RPS18: variants seen among roughly 807,000 people sequenced by gnomAD.
RPS18 encodes the protein ribosomal protein S18.
For synonymous variants in RPS18, 64 were observed against 70.9 expected (o/e 0.90, Z 0.49); for missense variants, 49 against 200.8 (o/e 0.24, Z 4.57).
At chr6:33,274,867 TC>T (rs1206279195) in intron 2 of RPS18, among the ~76,000 whole-genome samples, 3 of 152,200 alleles carry the variant, frequency 2.0e-5, no homozygotes, top group African/African-American at 7.2e-5. Context: ...AGTATTCAGT[TC>T]CTCCTTCACT....
At position 33,276,485 on chromosome 6, in the gene RPS18, T is replaced by G; in HGVS notation, c.*19T>G. The G allele has an allele frequency of 6.4e-7, 1 of 1,564,864 alleles. No individual in the cohort carries two copies. The highest frequency in any genetic ancestry group is 8.8e-7 in the Non-Finnish European group (1 of 1,141,504). ...GAAATAAGTCTGTAGGCCTTGTCTG[T>G]TAATAAATAGTTTATATACCTATGG... On this transcript the variant is annotated 3_prime_UTR_variant, in exon 6 of 6. Transcript: ENST00000439602.
chr6:33,275,862 G>C lies in RPS18; in HGVS notation c.168G>C (p.Ala56=), dbSNP rs540397842. ...RKADIDLTKR[A]GELTEDEVER... ...CAGACATTGACCTCACCAAGAGGGC[G>C]GGAGAACTCACTGAGGATGAGGTGA... Residue 56 remains alanine, a synonymous_variant, in exon 3 of 6, where the codon GCG becomes GCC. Transcript: ENST00000439602. 6 of 1,613,056 alleles carry C rather than the reference G, an allele frequency of 3.7e-6. No homozygotes were observed. Among genetic ancestry groups the C allele is most frequent in the Non-Finnish European group, 8.5e-7 (1 of 1,179,292 alleles).
intron 2 of RPS18, chr6:33,275,500 T>C: frequency 2.7e-6 from 1 of 367,902 alleles, no homozygotes; most frequent in Non-Finnish European, 5.0e-6. Context: ...GTATTTTTAG[T>C]AGAGACAGGG....
intron 2 of RPS18, among the ~76,000 whole-genome samples, chr6:33,274,022 A>G (rs1765470741): frequency 6.6e-6 from 1 of 152,154 alleles, no homozygotes; most frequent in African/African-American, 2.4e-5. Flanking sequence ...CAATGGTGCA[A>G]TCTTATCTCA....
In RPS18 at chr6:33,272,248, G is replaced by A. The variant is rs911780851; in HGVS notation, c.3+126G>A. On this transcript the variant is annotated intron_variant, in intron 1 of 5. Coordinates refer to ENST00000439602, the MANE Select transcript of RPS18 (RefSeq NM_022551.3). The stretch of plus-strand genomic sequence containing the variant: ...CTTTCTGTATGGAGCCTTGGATCGC[G>A]TCCCTGGAAAGGGACACCAAAGATT... 64 of 1,113,002 alleles carry A rather than the reference G, an allele frequency of 5.8e-5. No homozygotes were observed. The South Asian group carries it at 8.6e-4, about 15-fold the overall frequency. The allele number at this position is 1,113,002 out of a possible 1,614,324, so 68.9% of individuals were successfully genotyped here.
intron 2 of RPS18, among the ~76,000 whole-genome samples, chr6:33,275,137 C>G (rs1356049109): frequency 6.6e-6 from 1 of 152,096 alleles, no homozygotes; most frequent in Non-Finnish European, 1.5e-5. Context: ...TCATAAGACC[C>G]TGGTTTACTG....
intron 2 of RPS18, among the ~76,000 whole-genome samples, chr6:33,274,057 C>T (rs13201994): frequency 6.6e-6 from 1 of 152,178 alleles, no homozygotes; most frequent in African/African-American, 2.4e-5. Flanking sequence ...TCCCAAGTAG[C>T]TGAGATTACA....
intron 2 of RPS18, 157 bp from the exon 3 acceptor site, chr6:33,275,640 C>T (rs962113358): frequency 1.9e-5 from 13 of 682,900 alleles, no homozygotes; most frequent in African/African-American, 1.1e-4. Flanking sequence ...TTCTGTCGAA[C>T]GGTTTATATC....
chr6:33,272,259 G>C (rs1324380968), intron 1 of RPS18, 137 bp downstream of exon 1: 2 of 990,440 alleles, frequency 2.0e-6, no homozygotes, highest in African/African-American at 3.2e-5. Context: ...TCCCTGGAAA[G>C]GGACACCAAA....
Position 33,276,086 on chromosome 6 carries a change from C to A in RPS18, c.291+20C>A. 6.2e-7 allele frequency: 1 copy of A among 1,608,514 alleles called. No homozygotes were observed. Among genetic ancestry groups the A allele is most frequent in the Non-Finnish European group, 8.5e-7 (1 of 1,175,066 alleles). ...AGCCAGGTGTGTACTGAAATGAGGG[C>A]AGGATTAGAGGAAGGGTGGAGGGTC... On this transcript the variant is annotated intron_variant, in intron 4 of 5. Transcript: ENST00000439602.
At chr6:33,272,811 G>C in intron 2 of RPS18, 85 bp downstream of exon 2, 1 of 781,668 alleles carries the variant, frequency 1.3e-6, no homozygotes, top group Non-Finnish European at 2.4e-6. Flanking sequence ...AGGCTGGGGA[G>C]ACTTGAGTCT....
chr6:33,272,230 TATGGAGCCTTGGATCGCGTCC>T, intron 1 of RPS18, 108 bp downstream of exon 1: 2 of 1,257,694 alleles, frequency 1.6e-6, no homozygotes. Context: ...CGACTTTCTG[TATGGAGCCTTGGATCGCGTCC>T]CTGGAAAGGG....
At position 33,275,787 on chromosome 6, in the gene RPS18, C is replaced by A; in HGVS notation, c.103-10C>A. Reference sequence around the variant, plus strand: ...TCAACACTAATTCCGAAACCCCTCACTTCATTCAGGGTGTGGGCCGAAGAT... The same window carrying A: ...TCAACACTAATTCCGAAACCCCTCAATTCATTCAGGGTGTGGGCCGAAGAT... On this transcript the variant is annotated splice_polypyrimidine_tract_variant and intron_variant, in intron 2 of 5. Coordinates refer to ENST00000439602, the MANE Select transcript of RPS18 (RefSeq NM_022551.3). 6.3e-7 allele frequency: 1 copy of A among 1,583,780 alleles called. No homozygotes were observed. Among genetic ancestry groups the A allele is most frequent in the Non-Finnish European group, 8.7e-7 (1 of 1,153,800 alleles).
At chr6:33,272,207 C>A in intron 1 of RPS18, 85 bp downstream of exon 1, 1 of 1,439,708 alleles carries the variant, frequency 6.9e-7, no homozygotes, top group African/African-American at 1.4e-5. Flanking sequence ...AAACGTCCTG[C>A]CCTGAGGGCC....
rs538097916 is a variant in RPS18 at position 33,272,077 on chromosome 6, C to T, written c.-43C>T. ...AATGATATCGCGTCACTTCCGCTCT[C>T]TCTTCCACAGGAGGCCTACACGCCG... On this transcript the variant is annotated 5_prime_UTR_variant, in exon 1 of 6. Transcript: ENST00000439602. 1.4e-5 allele frequency: 22 copies of T among 1,560,486 alleles called. No homozygotes were observed. Among genetic ancestry groups the T allele is most frequent in the African/African-American group, 4.1e-5 (3 of 73,660 alleles).
At chr6:33,275,752 A>G in intron 2 of RPS18, 45 bp from the exon 3 acceptor site, 1 of 1,264,904 alleles carries the variant, frequency 7.9e-7, no homozygotes, top group Non-Finnish European at 1.2e-6. Flanking sequence ...AAGGAATTTA[A>G]AAATCAGATT....
At chr6:33,274,710 C>G (rs1035782180) in intron 2 of RPS18, among the ~76,000 whole-genome samples, 2 of 151,748 alleles carry the variant, frequency 1.3e-5, no homozygotes, top group African/African-American at 2.4e-5. Flanking sequence ...TGGTCCTCTT[C>G]GTGTCTCTCT....
chr6:33,274,387 G>A (rs1440483711), intron 2 of RPS18, among the ~76,000 whole-genome samples: 2 of 152,058 alleles, frequency 1.3e-5, no homozygotes, highest in Non-Finnish European at 2.9e-5. Flanking sequence ...GTGTTGTCCA[G>A]GCTGGTCTTG....
intron 2 of RPS18, among the ~76,000 whole-genome samples, chr6:33,273,976 G>A (rs762595345): frequency 6.0e-4 from 91 of 152,240 alleles, no homozygotes; most frequent in Non-Finnish European, 1.2e-3. Flanking sequence ...TATTTATCCC[G>A]AGACAGAGTC....
Sources: gnomAD v4.1 joint callset for allele counts (sites outside exome capture counted in the v4.1 genomes callset) on GRCh38, gnomAD v4.1.1 for gene constraint, MANE v1.5 for transcripts, NCBI Gene and HGNC (gene_info 2026-07-23, HGNC 2026-07-21) for gene names.